The following DOCK1 variants were observed in gnomAD, a reference collection of about 807,000 sequenced individuals.
DOCK1 encodes dedicator of cytokinesis 1, also known as dedicator of cytokinesis protein 1.
Under a neutral mutation model 262.7 loss-of-function variants are expected in DOCK1, and 138 were observed. That is an observed-to-expected ratio of 0.53 (90% CI 0.46 to 0.61). The LOEUF (loss-of-function observed/expected upper bound fraction) is 0.61. Ranked by LOEUF, DOCK1 falls within the 20% of genes least tolerant of loss-of-function variation. The pLI is 0.00. For synonymous variants in DOCK1, 866 were observed against 867.4 expected, an observed-to-expected ratio of 1.00 and a Z score of 0.03; for missense variants, 1,908 against 2,370.7, an observed-to-expected ratio of 0.80 and a Z score of 4.05.
Position 127,215,765 on chromosome 10 carries a change from A to G in DOCK1, c.2848-32243A>G, listed in dbSNP as rs77496552. On this transcript the variant is annotated intron_variant, in intron 27 of 51. Transcript: ENST00000623213. ...GTCCTACCTACATATGGGATGATGTATGGACATTTTCAAAATAGTCACAAC... is the reference window on the plus strand; with the variant it reads ...GTCCTACCTACATATGGGATGATGTGTGGACATTTTCAAAATAGTCACAAC... Among the ~76,000 whole-genome samples the G allele has an allele frequency of 5.4e-3, 824 of 152,284 alleles. 30 individuals carry two copies. The East Asian group carries it at 0.11, about 20-fold the overall frequency.
intron 1 of DOCK1, among the ~76,000 whole-genome samples, chr10:126,929,279 T>G (rs2034005633): frequency 6.6e-6 from 1 of 152,204 alleles, no homozygotes; most frequent in Non-Finnish European, 1.5e-5. Context: ...CCTCTATGCT[T>G]TGGTGTGCTC....
chr10:127,447,602 G>A (rs530564259), intron 51 of DOCK1, 57 bp downstream of exon 51: 59 of 1,590,052 alleles, frequency 3.7e-5, no homozygotes, highest in Non-Finnish European at 4.3e-5. Context: ...AAAGTAGGAC[G>A]AGTCCCTCAT....
chr10:127,127,826 T>G (rs757867399), intron 27 of DOCK1, 62 bp downstream of exon 27: 7 of 1,444,702 alleles, frequency 4.8e-6, no homozygotes, highest in Non-Finnish European at 5.8e-6. Context: ...CTTCTCCAAC[T>G]GCTGTTTGAA....
intron 29 of DOCK1, among the ~76,000 whole-genome samples, chr10:127,270,455 C>T (rs975056084): frequency 9.2e-5 from 14 of 152,164 alleles, no homozygotes; most frequent in Non-Finnish European, 1.9e-4. Flanking sequence ...TGATTTCGTG[C>T]TCCACTGAAT....
intron 33 of DOCK1, among the ~76,000 whole-genome samples, chr10:127,364,132 C>T (rs2064755810): frequency 6.6e-6 from 1 of 152,172 alleles, no homozygotes; most frequent in Non-Finnish European, 1.5e-5. Flanking sequence ...CCAGTGTCTG[C>T]AGGACCATGG....
At chr10:127,074,871 G>A (rs2046421849) in intron 23 of DOCK1, among the ~76,000 whole-genome samples, 2 of 152,114 alleles carry the variant, frequency 1.3e-5, no homozygotes, top group African/African-American at 2.4e-5. Context: ...ATTAAAAGGA[G>A]AGGTGTTTGG....
At chr10:127,261,031 GTA>G (rs2060046937) in intron 29 of DOCK1, among the ~76,000 whole-genome samples, 1 of 141,166 alleles carries the variant, frequency 7.1e-6, no homozygotes, top group Non-Finnish European at 1.5e-5. Context: ...GTGGGTGTCT[GTA>G]TGTGTGTACC....
chr10:127,317,639 T>C (rs1022043511), intron 29 of DOCK1, among the ~76,000 whole-genome samples: 1 of 152,232 alleles, frequency 6.6e-6, no homozygotes. Context: ...AACCACCTTG[T>C]GCTGCACCCT....
At chr10:127,355,070 C>A (rs1303568219) in intron 32 of DOCK1, among the ~76,000 whole-genome samples, 1 of 152,058 alleles carries the variant, frequency 6.6e-6, no homozygotes, top group East Asian at 1.9e-4. Context: ...CCTGCTGTGA[C>A]ATTTGCCATC....
chr10:127,250,970 T>C, intron 28 of DOCK1, among the ~76,000 whole-genome samples: 1 of 149,766 alleles, frequency 6.7e-6, no homozygotes. Context: ...CTGACAACGA[T>C]TTTTTTTTTG....
At chr10:127,013,208 A>G (rs2041606330) in intron 12 of DOCK1, among the ~76,000 whole-genome samples, 1 of 152,166 alleles carries the variant, frequency 6.6e-6, no homozygotes, top group South Asian at 2.1e-4. Context: ...TCTGGTGTGA[A>G]CTACCCCCCT....
At chr10:127,413,426 G>A (rs538762486) in intron 43 of DOCK1, among the ~76,000 whole-genome samples, 2 of 152,300 alleles carry the variant, frequency 1.3e-5, no homozygotes, top group African/African-American at 2.4e-5. Context: ...TAAGTGCAAC[G>A]TCTTTTGCTC....
intron 30 of DOCK1, 65 bp from the exon 31 acceptor site, chr10:127,343,581 A>G: frequency 8.1e-7 from 1 of 1,228,074 alleles, no homozygotes; most frequent in Non-Finnish European, 1.2e-6. Flanking sequence ...AATGTCTGAG[A>G]GCATTGTTGA....
chr10:127,127,816 C>T, intron 27 of DOCK1, 52 bp downstream of exon 27: 1 of 1,471,482 alleles, frequency 6.8e-7, no homozygotes, highest in Non-Finnish European at 9.5e-7. Flanking sequence ...TGACAGCATC[C>T]TTCTCCAACT....
At chr10:127,180,114 T>C (rs2055585697) in intron 27 of DOCK1, among the ~76,000 whole-genome samples, 1 of 152,254 alleles carries the variant, frequency 6.6e-6, no homozygotes, top group African/African-American at 2.4e-5. Flanking sequence ...TAACTTGAAG[T>C]GATCCATGAT....
chr10:126,915,119 G>A (rs1328446042), intron 1 of DOCK1, among the ~76,000 whole-genome samples: 1 of 152,100 alleles, frequency 6.6e-6, no homozygotes, highest in Non-Finnish European at 1.5e-5. Context: ...TGTGGATTTG[G>A]TGGTCTCCTC....
chr10:127,165,513 T>G (rs1400215580), intron 27 of DOCK1, among the ~76,000 whole-genome samples: 1 of 152,200 alleles, frequency 6.6e-6, no homozygotes, highest in East Asian at 1.9e-4. Context: ...TGCTCGTTGT[T>G]AGATCATTTT....
chr10:127,361,349 C>T (rs566570486), intron 32 of DOCK1, among the ~76,000 whole-genome samples: 12 of 152,154 alleles, frequency 7.9e-5, no homozygotes, highest in South Asian at 6.2e-4. Context: ...CTCCTGACCT[C>T]GTGATCTGCC....
At chr10:127,415,126 G>GT (rs748904758) in intron 43 of DOCK1, 26 bp from the exon 44 acceptor site, 3 of 1,601,938 alleles carry the variant, frequency 1.9e-6, no homozygotes, top group Non-Finnish European at 8.5e-7. Flanking sequence ...TCTAACCCGT[G>GT]TTGTGTGTGT....
Sources: allele counts gnomAD v4.1 joint callset (sites outside exome capture counted in the v4.1 genomes callset), GRCh38; gene constraint gnomAD v4.1.1; transcripts MANE v1.5; gene names NCBI Gene and HGNC (gene_info 2026-07-23, HGNC 2026-07-21).